GRIN2B: variants seen among roughly 807,000 people sequenced by gnomAD.
GRIN2B encodes glutamate receptor ionotropic, NMDA 2B.
GRIN2B carries 5 observed loss-of-function variants against 114.5 expected under a neutral mutation model. The ratio of observed to expected loss-of-function variants is 0.04; its 90% confidence interval spans 0.02 to 0.09. The LOEUF (loss-of-function observed/expected upper bound fraction) is 0.09, where lower values mean the gene tolerates loss of function less well. Ranked by LOEUF, GRIN2B falls within the 10% of genes least tolerant of loss-of-function variation. The pLI is 1.00. For missense variants in GRIN2B, 1,108 were observed against 1,943.5 expected (o/e 0.57, Z 8.08); for synonymous variants, 787 against 745.1 (o/e 1.06, Z -0.92).
intron 5 of GRIN2B, among the ~76,000 whole-genome samples, chr12:13,621,384 G>T (rs985122223): frequency 6.6e-6 from 1 of 152,034 alleles, no homozygotes; most frequent in African/African-American, 2.4e-5. Context: ...ATTTATGCTT[G>T]AGATTAAAAT....
intron 3 of GRIN2B, among the ~76,000 whole-genome samples, chr12:13,784,389 G>A (rs1341710215): frequency 6.6e-6 from 1 of 151,960 alleles, no homozygotes; most frequent in Admixed American, 6.6e-5. Flanking sequence ...TGTTATGTGG[G>A]CACAATAGCT....
At chr12:13,886,839 C>T (rs1866167469) in intron 2 of GRIN2B, among the ~76,000 whole-genome samples, 1 of 152,184 alleles carries the variant, frequency 6.6e-6, no homozygotes, top group Admixed American at 6.5e-5. Context: ...TAAACCCTCA[C>T]CCATAAACAC....
chr12:13,785,374 A>G (rs1864206099), intron 3 of GRIN2B, among the ~76,000 whole-genome samples: 1 of 152,194 alleles, frequency 6.6e-6, no homozygotes, highest in Admixed American at 6.5e-5. Flanking sequence ...GTACAGAATG[A>G]AGTGTGAACT....
At chr12:13,711,728 G>A (rs200851260) in intron 4 of GRIN2B, among the ~76,000 whole-genome samples, 24 of 152,100 alleles carry the variant, frequency 1.6e-4, no homozygotes, top group Admixed American at 5.9e-4. Context: ...GTCAGGAAAC[G>A]ACAGGTGCTG....
In GRIN2B at chr12:13,563,754, A is replaced by C. The variant is rs774809461; in HGVS notation, c.3484T>G (p.Phe1162Val). ...CCTCCGCTGACGGAGTCGCGCTTAA[A>C]GTCATCACTCCGCTCCTTGTAGATG... ...TDIYKERSDD[F>V]KRDSVSGGGP... is the part of the protein sequence containing the mutation. Residue 1162 changes from phenylalanine to valine, a missense_variant, in exon 14 of 14, where the codon TTT (phenylalanine) becomes GTT (valine). Phe to Val is a conservative substitution (Grantham distance 50). Coordinates refer to ENST00000609686, the MANE Select transcript of GRIN2B (RefSeq NM_000834.5). 1.2e-6 allele frequency: 2 copies of C among 1,614,006 alleles called. No individual in the cohort carries two copies. The highest frequency in any genetic ancestry group is 3.3e-5 in the Admixed American group (2 of 60,026).
intron 2 of GRIN2B, among the ~76,000 whole-genome samples, chr12:13,886,874 A>C (rs1460961404): frequency 6.6e-6 from 1 of 152,220 alleles, no homozygotes; most frequent in Non-Finnish European, 1.5e-5. Flanking sequence ...TGTCACATGC[A>C]CACTCCAAGT....
chr12:13,770,338 T>C (rs1477463622), intron 3 of GRIN2B, among the ~76,000 whole-genome samples: 3 of 152,214 alleles, frequency 2.0e-5, no homozygotes, highest in South Asian at 4.1e-4. Context: ...TTAATGTTCA[T>C]TGACACTGAC....
chr12:13,570,538 G>A (rs1948692895), intron 11 of GRIN2B, among the ~76,000 whole-genome samples: 1 of 152,166 alleles, frequency 6.6e-6, no homozygotes, highest in Non-Finnish European at 1.5e-5. Flanking sequence ...GGTTGAGGTG[G>A]TGGCAGTACA....
chr12:13,967,380 GT>G (rs1299843826), intron 2 of GRIN2B, among the ~76,000 whole-genome samples: 1 of 152,250 alleles, frequency 6.6e-6, no homozygotes, highest in African/African-American at 2.4e-5. Flanking sequence ...GAGTTTAAGA[GT>G]GTGAACTTGA....
intron 3 of GRIN2B, among the ~76,000 whole-genome samples, chr12:13,767,177 G>T (rs1378301154): frequency 2.6e-5 from 4 of 151,186 alleles, no homozygotes; most frequent in Admixed American, 2.0e-4. Flanking sequence ...GGAGAATGGC[G>T]TGAGGCCGGG....
chr12:13,861,430 T>C (rs1865749651), intron 3 of GRIN2B, among the ~76,000 whole-genome samples: 1 of 152,224 alleles, frequency 6.6e-6, no homozygotes. Flanking sequence ...TTATTTGGAT[T>C]CAGATGGGCA....
chr12:13,886,001 C>A (rs575293121), intron 2 of GRIN2B, among the ~76,000 whole-genome samples: 1 of 152,258 alleles, frequency 6.6e-6, no homozygotes, highest in East Asian at 1.9e-4. Flanking sequence ...ACAAGCGCCC[C>A]AGATGACACT....
chr12:13,779,282 G>C (rs769002535), intron 3 of GRIN2B, among the ~76,000 whole-genome samples: 3 of 152,172 alleles, frequency 2.0e-5, no homozygotes, highest in South Asian at 2.1e-4. Flanking sequence ...GATCTCTGGT[G>C]ATCCATCTGC....
rs142558508 is a variant in GRIN2B at position 13,862,088 on chromosome 12, C to A, written c.411+3710G>T. On this transcript the variant is annotated intron_variant, in intron 3 of 13. Coordinates refer to ENST00000609686, the MANE Select transcript of GRIN2B (RefSeq NM_000834.5). ...CCGAATCCAGCTTGGACTCTAAATT[C>A]TGATTTTTTAATAGCCCTACTCAGC... 6.8e-4 allele frequency among the ~76,000 whole-genome samples: 104 copies of A among 152,274 alleles called. 1 individual carries two copies. Among genetic ancestry groups the A allele is most frequent in the African/African-American group, 2.4e-3 (100 of 41,568 alleles).
chr12:13,937,213 A>T (rs1008685975), intron 2 of GRIN2B, among the ~76,000 whole-genome samples: 4 of 151,680 alleles, frequency 2.6e-5, no homozygotes, highest in South Asian at 2.1e-4. Context: ...ATTTTTTTTT[A>T]AATGAGATTG....
intron 3 of GRIN2B, among the ~76,000 whole-genome samples, chr12:13,854,682 G>A (rs987392146): frequency 6.6e-6 from 1 of 152,114 alleles, no homozygotes; most frequent in African/African-American, 2.4e-5. Context: ...TCCCAGGCCT[G>A]GAGTGAACTA....
In GRIN2B at chr12:13,553,904, C is replaced by G. The variant is rs988555727; in HGVS notation, c.*8879G>C. 6.6e-6 allele frequency: 1 copy of G among 152,104 alleles called. No individual in the cohort carries two copies. Among genetic ancestry groups the G allele is most frequent in the African/African-American group, 2.4e-5 (1 of 41,414 alleles). 9.4% of individuals were successfully genotyped at this position (152,104 alleles called of 1,614,324 possible). ...ACCATAAAACAGTCCAAAACAACTT[C>G]AAAGGACAAAGCACTTAGAAAAAGG... On this transcript the variant is annotated 3_prime_UTR_variant, in exon 14 of 14. Transcript: ENST00000609686.
intron 3 of GRIN2B, among the ~76,000 whole-genome samples, chr12:13,834,271 T>A (rs1865212903): frequency 6.7e-6 from 1 of 148,972 alleles, no homozygotes; most frequent in African/African-American, 2.5e-5. Context: ...TCTCCTGACC[T>A]CGTGATCCAC....
At position 13,964,958 on chromosome 12, in the gene GRIN2B, G is replaced by C. The variant is rs539952679; in HGVS notation, c.-19+14970C>G. On this transcript the variant is annotated intron_variant, in intron 2 of 13. Transcript: ENST00000609686. ...TTTGTTGAGAATGTTAATATAGGTT[G>C]GGTCCAAGCTCCCCCAGGTGAGAAC... Among the ~76,000 whole-genome samples the C allele has an allele frequency of 3.3e-5, 5 of 152,314 alleles. No homozygotes were observed. In the South Asian group the frequency reaches 1.0e-3, roughly 32 times the overall value.
Sources: gnomAD v4.1 joint callset for allele counts (sites outside exome capture counted in the v4.1 genomes callset) on GRCh38, gnomAD v4.1.1 for gene constraint, MANE v1.5 for transcripts, NCBI Gene and HGNC (gene_info 2026-07-23, HGNC 2026-07-21) for gene names.